KLHL18: variants seen among roughly 807,000 people sequenced by gnomAD.
KLHL18 encodes the protein kelch-like protein 18.
Under a neutral mutation model 58.5 loss-of-function variants are expected in KLHL18, and 38 were observed. The ratio of observed to expected loss-of-function variants is 0.65; its 90% confidence interval spans 0.50 to 0.85. The LOEUF is 0.85. Ranked by LOEUF, KLHL18 falls within the 40% of genes least tolerant of loss-of-function variation. The probability of loss-of-function intolerance (pLI) is 0.00; values close to 1 mark genes in which losing one functional copy is unlikely to be tolerated. For synonymous variants in KLHL18, 303 were observed against 301.9 expected, an observed-to-expected ratio of 1.00 and a Z score of -0.04; for missense variants, 624 against 778.4, an observed-to-expected ratio of 0.80 and a Z score of 2.36.
At chr3:47,310,006 G>A (rs902572415) in intron 1 of KLHL18, among the ~76,000 whole-genome samples, 1 of 148,188 alleles carries the variant, frequency 6.7e-6, no homozygotes, top group Non-Finnish European at 1.5e-5. Context: ...GGGGGAGGGG[G>A]AGGTTAACTG....
chr3:47,336,788 T>C, intron 7 of KLHL18, 31 bp downstream of exon 7: 1 of 1,549,454 alleles, frequency 6.5e-7, no homozygotes, highest in African/African-American at 1.4e-5. Flanking sequence ...AGCCCGAACA[T>C]ACACACTGAG....
At chr3:47,290,915 C>T (rs1702778660) in intron 1 of KLHL18, among the ~76,000 whole-genome samples, 1 of 152,196 alleles carries the variant, frequency 6.6e-6, no homozygotes, top group Non-Finnish European at 1.5e-5. Context: ...AATTTGGACA[C>T]CAATTAGGTG....
At chr3:47,317,746 A>T (rs994054472) in intron 1 of KLHL18, among the ~76,000 whole-genome samples, 2 of 152,224 alleles carry the variant, frequency 1.3e-5, no homozygotes, top group African/African-American at 4.8e-5. Context: ...ACCTAATTAT[A>T]TTGGAAAGAT....
intron 1 of KLHL18, among the ~76,000 whole-genome samples, chr3:47,319,141 G>A (rs1045000056): frequency 2.0e-5 from 3 of 152,194 alleles, no homozygotes; most frequent in Non-Finnish European, 2.9e-5. Context: ...GCCATACAGA[G>A]CAGCAGCCAG....
rs368185759 is a variant in KLHL18, at chr3:47,340,623, C to T, written c.1173C>T (p.Tyr391=). The part of the protein sequence containing the change: ...LDGQIYVCGG[Y]DGNSSLSSVE... Reference sequence around the variant, plus strand: ...GGCAGATCTACGTCTGTGGGGGCTACGATGGCAACTCTTCCCTCAGCTCCG... The same window carrying T: ...GGCAGATCTACGTCTGTGGGGGCTATGATGGCAACTCTTCCCTCAGCTCCG... Residue 391 remains tyrosine (Y), a synonymous_variant, in exon 8 of 10, where the codon TAC becomes TAT. Transcript: ENST00000232766. 99 of 1,613,806 alleles carry T rather than the reference C, an allele frequency of 6.1e-5. No homozygotes were observed. The highest frequency in any genetic ancestry group is 1.0e-4 in the Admixed American group (6 of 59,990).
At chr3:47,292,694 C>G (rs942342748) in intron 1 of KLHL18, among the ~76,000 whole-genome samples, 6 of 151,556 alleles carry the variant, frequency 4.0e-5, no homozygotes, top group African/African-American at 1.2e-4. Flanking sequence ...TGGCATGAAC[C>G]CAGGAGTTTG....
chr3:47,326,050 C>T (rs1406877043), intron 3 of KLHL18, among the ~76,000 whole-genome samples: 2 of 151,882 alleles, frequency 1.3e-5, no homozygotes, highest in African/African-American at 2.4e-5. Flanking sequence ...CAGGTTCAAG[C>T]GATTCTCCTG....
At chr3:47,309,400 C>T (rs1234601859) in intron 1 of KLHL18, among the ~76,000 whole-genome samples, 2 of 151,490 alleles carry the variant, frequency 1.3e-5, no homozygotes, top group African/African-American at 4.9e-5. Flanking sequence ...CAGAGATGCT[C>T]CTCACCTTCC....
Position 47,342,736 on chromosome 3 carries a change from C to G in KLHL18, c.1244C>G (p.Ser415Trp). Reference sequence around the variant, plus strand: ...TCCTGAAGATGGACAGTGGTGACCTCGATGAGCTCGAATCGCAGTGCTGCT... The same window carrying G: ...TCCTGAAGATGGACAGTGGTGACCTGGATGAGCTCGAATCGCAGTGCTGCT... ...PETDKWTVVT[S>W]MSSNRSAAGV... The change falls in exon 9 of 10, where the codon TCG (serine) becomes TGG (tryptophan). Residue 415 changes from serine to tryptophan, a missense_variant. Ser to Trp is a radical substitution (Grantham distance 177). Transcript: ENST00000232766. The G allele has an allele frequency of 6.2e-7, 1 of 1,614,026 alleles. No individual in the cohort carries two copies. The highest frequency in any genetic ancestry group is 8.5e-7 in the Non-Finnish European group (1 of 1,179,970).
In KLHL18 at chr3:47,322,610, T is replaced by C; in HGVS notation, c.303T>C (p.Leu101=). 1 of 1,606,448 alleles carries C rather than the reference T, an allele frequency of 6.2e-7. No homozygotes were observed. Among genetic ancestry groups the C allele is most frequent in the Non-Finnish European group, 8.5e-7 (1 of 1,176,906 alleles). Residue 101 remains leucine, a synonymous_variant, in exon 3 of 10, where the codon CTT becomes CTC. Transcript: ENST00000232766. ...ALINFAYNGN[L]AIDQQNVQSL... ...TCAACTTTGCCTACAACGGCAACCT[T>C]GCCATTGACCAGCAAAATGTCCAGT...
Position 47,340,592 on chromosome 3 carries a change from T to G in KLHL18, c.1142T>G (p.Leu381Arg). The G allele has an allele frequency of 6.2e-7, 1 of 1,614,106 alleles. No individual in the cohort carries two copies. Among genetic ancestry groups the G allele is most frequent in the Non-Finnish European group, 8.5e-7 (1 of 1,180,000 alleles). ...SKRSAMGTVV[L>R]DGQIYVCGGY... is the part of the protein sequence containing the mutation. ...TTCAGTGCCATGGGGACAGTCGTGCTGGATGGGCAGATCTACGTCTGTGGG... is the reference window on the plus strand; with the variant it reads ...TTCAGTGCCATGGGGACAGTCGTGCGGGATGGGCAGATCTACGTCTGTGGG... Residue 381 changes from leucine to arginine, a missense_variant, in exon 8 of 10, where the codon CTG becomes CGG. By Grantham distance (102) the Leu-to-Arg change is moderately radical (BLOSUM62 -2). Coordinates refer to ENST00000232766, the MANE Select transcript of KLHL18 (RefSeq NM_025010.5).
intron 1 of KLHL18, among the ~76,000 whole-genome samples, chr3:47,301,567 G>A (rs1703026154): frequency 6.6e-6 from 1 of 152,076 alleles, no homozygotes; most frequent in South Asian, 2.1e-4. Context: ...TCTCTATTCT[G>A]TTCTATTGTT....
At chr3:47,296,459 A>C (rs1559487103) in intron 1 of KLHL18, among the ~76,000 whole-genome samples, 1 of 152,168 alleles carries the variant, frequency 6.6e-6, no homozygotes, top group Non-Finnish European at 1.5e-5. Flanking sequence ...TGTGAATGGG[A>C]GTCAGCCTCT....
At chr3:47,322,789 A>G (rs1703619563) in intron 3 of KLHL18, 81 bp downstream of exon 3, 1 of 1,394,360 alleles carries the variant, frequency 7.2e-7, no homozygotes, top group Admixed American at 2.6e-5. Flanking sequence ...AGTTCTTGGG[A>G]CCATATATAG....
Position 47,344,646 on chromosome 3 carries a change from A to C in KLHL18, c.*705A>C, listed in dbSNP as rs1230165254. 3.9e-5 allele frequency: 6 copies of C among 152,718 alleles called. No individual in the cohort carries two copies. Among genetic ancestry groups the C allele is most frequent in the Non-Finnish European group, 8.8e-5 (6 of 68,060 alleles). The allele number at this position is 152,718 out of a possible 1,614,324, so 9.5% of individuals were successfully genotyped here. A position where few individuals can be genotyped will look rare whatever the true frequency, so the allele number is the denominator to read the frequency against. On this transcript the variant is annotated 3_prime_UTR_variant, in exon 10 of 10. Transcript: ENST00000232766. ...GGAAATTTAAACAAAGAAACACTTG[A>C]AAGAAACTGGAAAGAAAAATAATTT...
At position 47,344,938 on chromosome 3, in the gene KLHL18, G is replaced by T. The variant is rs1393265265; in HGVS notation, c.*997G>T. The T allele has an allele frequency of 8.5e-5, 1 of 11,734 alleles. No homozygotes were observed. The allele number at this position is 11,734 out of a possible 1,614,324, so 0.7% of individuals were successfully genotyped here. A position where few individuals can be genotyped will look rare whatever the true frequency, so the allele number is the denominator to read the frequency against. On this transcript the variant is annotated 3_prime_UTR_variant, in exon 10 of 10. Coordinates refer to ENST00000232766, the MANE Select transcript of KLHL18 (RefSeq NM_025010.5). ...TCAGAGGACTTTTAAAATCATAGGC[G>T]TAGAGAGTTAGGCTATCTGCTGAAT...
At position 47,334,841 on chromosome 3, in the gene KLHL18, T is replaced by A; in HGVS notation, c.898+22T>A. The A allele has an allele frequency of 6.3e-7, 1 of 1,596,732 alleles. No individual in the cohort carries two copies. Among genetic ancestry groups the A allele is most frequent in the Non-Finnish European group, 8.5e-7 (1 of 1,171,066 alleles). On this transcript the variant is annotated intron_variant, in intron 6 of 9. Coordinates refer to ENST00000232766, the MANE Select transcript of KLHL18 (RefSeq NM_025010.5). The surrounding 1 kb of genome is among the most constrained non-coding windows in gnomAD (Gnocchi z 4.7). The stretch of plus-strand genomic sequence containing the variant: ...GCAGGTACCTTGCGGCTCCCCTTTA[T>A]AGACCCTCCTCTTGGACTCCATGGA...
chr3:47,293,372 G>A (rs1320688157), intron 1 of KLHL18, among the ~76,000 whole-genome samples: 3 of 152,198 alleles, frequency 2.0e-5, no homozygotes, highest in Non-Finnish European at 4.4e-5. Flanking sequence ...CTTTGTGACT[G>A]TAGACACTAA....
chr3:47,313,111 G>A (rs1322325451), intron 1 of KLHL18, among the ~76,000 whole-genome samples: 1 of 151,356 alleles, frequency 6.6e-6, no homozygotes, highest in East Asian at 1.9e-4. Context: ...GCGTTTCACT[G>A]TGTTAGCCAG....
Sources: allele counts gnomAD v4.1 joint callset (sites outside exome capture counted in the v4.1 genomes callset), GRCh38; gene constraint gnomAD v4.1.1; non-coding constraint Gnocchi (gnomAD v3.1); transcripts MANE v1.5; gene names NCBI Gene and HGNC (gene_info 2026-07-23, HGNC 2026-07-21).